The following ROBO2 variants were observed in gnomAD, a reference collection of about 807,000 sequenced individuals.
ROBO2 encodes roundabout homolog 2.
ROBO2 carries 53 observed loss-of-function variants against 160.8 expected under a neutral mutation model. The observed-to-expected ratio is 0.33, with a 90% CI of 0.26 to 0.41. The LOEUF (loss-of-function observed/expected upper bound fraction) is 0.41, where lower values mean the gene tolerates loss of function less well. ROBO2 is among the 10% of genes least tolerant of loss of function. The pLI, the probability that ROBO2 is intolerant of heterozygous loss-of-function variation, is 1.00. For missense variants in ROBO2, 1,577 were observed against 1,722.4 expected (o/e 0.92, Z 1.49); for synonymous variants, 664 against 611.7 (o/e 1.09, Z -1.26).
rs1025511620 is a variant in ROBO2, at chr3:77,390,046, G to A, written c.389-87368G>A. 2.0e-5 allele frequency among the ~76,000 whole-genome samples: 3 copies of A among 152,162 alleles called. No homozygotes were observed. The South Asian group carries it at 6.2e-4, about 32-fold the overall frequency. On this transcript the variant is annotated intron_variant, in intron 2 of 25. Transcript: ENST00000461745. ...GCAGCAACCTATGTCCAGAAGAGAG[G>A]AAACAGATTTTCCAAATATCAGTCT...
At chr3:76,161,849 A>G (rs1400841648) in intron 2 of ROBO2, among the ~76,000 whole-genome samples, 2 of 152,134 alleles carry the variant, frequency 1.3e-5, no homozygotes, top group Non-Finnish European at 1.5e-5. Context: ...ATTCTCATCC[A>G]TATCTCTTAC....
chr3:77,220,537 A>G (rs1307472747), intron 2 of ROBO2, among the ~76,000 whole-genome samples: 2 of 152,030 alleles, frequency 1.3e-5, no homozygotes, highest in African/African-American at 4.8e-5. Context: ...AATCTCTATT[A>G]TTTTAATATA....
intron 2 of ROBO2, among the ~76,000 whole-genome samples, chr3:76,796,013 C>A (rs867523488): frequency 3.4e-4 from 51 of 152,184 alleles, no homozygotes; most frequent in African/African-American, 1.2e-3. Flanking sequence ...TATCAATGAG[C>A]AACAAAGTTT....
chr3:77,170,161 C>T (rs2079497025), intron 2 of ROBO2, among the ~76,000 whole-genome samples: 1 of 152,118 alleles, frequency 6.6e-6, no homozygotes, highest in African/African-American at 2.4e-5. Flanking sequence ...TATTCATTCT[C>T]ATATGCTGCC....
intron 2 of ROBO2, among the ~76,000 whole-genome samples, chr3:77,455,247 A>G (rs962145914): frequency 6.6e-6 from 1 of 152,206 alleles, no homozygotes; most frequent in East Asian, 1.9e-4. Flanking sequence ...ATACTGAATC[A>G]TTGACGGAAA....
chr3:77,485,464 G>C (rs2085239600), intron 4 of ROBO2, among the ~76,000 whole-genome samples: 1 of 151,566 alleles, frequency 6.6e-6, no homozygotes, highest in Non-Finnish European at 1.5e-5. Context: ...CCAAATGTTT[G>C]GTGGTCTCTT....
chr3:76,108,669 A>G (rs1190380158), intron 2 of ROBO2, among the ~76,000 whole-genome samples: 2 of 151,834 alleles, frequency 1.3e-5, no homozygotes, highest in East Asian at 1.9e-4. Flanking sequence ...TGACATTACT[A>G]TATTCAAAAA....
chr3:76,446,378 A>G (rs1456691311), intron 2 of ROBO2, among the ~76,000 whole-genome samples: 1 of 152,218 alleles, frequency 6.6e-6, no homozygotes, highest in African/African-American at 2.4e-5. Flanking sequence ...TCACTGCTCA[A>G]CGAAATAGAA....
At chr3:76,092,341 T>A (rs1025947599) in intron 2 of ROBO2, among the ~76,000 whole-genome samples, 14 of 152,310 alleles carry the variant, frequency 9.2e-5, no homozygotes, top group African/African-American at 3.1e-4. Flanking sequence ...ACCCTAGAGG[T>A]GATCAAATAA....
chr3:76,128,864 T>G (rs2106651255), intron 2 of ROBO2, among the ~76,000 whole-genome samples: 1 of 152,222 alleles, frequency 6.6e-6, no homozygotes, highest in South Asian at 2.1e-4. Flanking sequence ...TATCCTTTTC[T>G]TCACAATAAA....
intron 2 of ROBO2, among the ~76,000 whole-genome samples, chr3:76,539,760 T>G (rs1410819863): frequency 6.6e-6 from 1 of 152,200 alleles, no homozygotes; most frequent in Non-Finnish European, 1.5e-5. Context: ...CTGAAAGCAT[T>G]AAAACTTAAC....
chr3:76,358,122 C>A (rs190907620), intron 2 of ROBO2, among the ~76,000 whole-genome samples: 21 of 151,922 alleles, frequency 1.4e-4, no homozygotes, highest in Non-Finnish European at 2.9e-4. Flanking sequence ...AGTCTAATAG[C>A]CCATCTTCCC....
chr3:77,221,861 T>C lies in ROBO2; in HGVS notation c.388+123521T>C, dbSNP rs1459772510. The stretch of plus-strand genomic sequence containing the variant: ...TCTTTTCTTTTTCTTTTTCTTTTTT[T>C]TTTTTTTTTTGAGACAGAGTCTTGC... On this transcript the variant is annotated intron_variant, in intron 2 of 25. Transcript: ENST00000461745. Among the ~76,000 whole-genome samples the C allele has an allele frequency of 1.8e-3, 271 of 149,340 alleles. 1 individual carries two copies. Among genetic ancestry groups the C allele is most frequent in the Non-Finnish European group, 3.3e-3 (224 of 67,288 alleles).
intron 2 of ROBO2, among the ~76,000 whole-genome samples, chr3:77,128,442 A>G (rs879704382): frequency 8.5e-5 from 13 of 152,296 alleles, no homozygotes; most frequent in Admixed American, 2.0e-4. Flanking sequence ...TTTCGAATGT[A>G]TCCCTCATGG....
chr3:76,776,288 T>C (rs2062251271), intron 2 of ROBO2, among the ~76,000 whole-genome samples: 1 of 151,020 alleles, frequency 6.6e-6, no homozygotes. Context: ...AACTGATTGA[T>C]TTTTAAAAAT....
chr3:76,773,938 T>C (rs2062071820), intron 2 of ROBO2, among the ~76,000 whole-genome samples: 1 of 150,920 alleles, frequency 6.6e-6, no homozygotes, highest in Admixed American at 6.6e-5. Flanking sequence ...TGAAATTTGC[T>C]CCACTGGATA....
At chr3:76,509,715 G>T (rs931337761) in intron 2 of ROBO2, among the ~76,000 whole-genome samples, 1 of 152,106 alleles carries the variant, frequency 6.6e-6, no homozygotes, top group African/African-American at 2.4e-5. Flanking sequence ...TTCCAGCAAA[G>T]CCCAGGTAAA....
Position 76,015,840 on chromosome 3 carries a change from A to G in ROBO2, c.109+78238A>G, listed in dbSNP as rs1045951706. ...ACAAGCCATTCTTAGTCAAAGTCAC[A>G]AGAATTCACTCTTAATAATCACAAA... is the stretch of plus-strand genomic sequence containing the variant. On this transcript the variant is annotated intron_variant, in intron 2 of 26. Coordinates refer to the ROBO2 transcript ENST00000487694. 5.3e-5 allele frequency among the ~76,000 whole-genome samples: 8 copies of G among 152,336 alleles called. No individual in the cohort carries two copies. In the East Asian group the frequency reaches 1.5e-3, roughly 29 times the overall value.
At chr3:76,671,189 A>T (rs2092249252) in intron 2 of ROBO2, among the ~76,000 whole-genome samples, 1 of 152,100 alleles carries the variant, frequency 6.6e-6, no homozygotes, top group Admixed American at 6.6e-5. Flanking sequence ...AAATTTACAT[A>T]TATTACTCTA....
Sources: allele counts gnomAD v4.1 joint callset (sites outside exome capture counted in the v4.1 genomes callset), GRCh38; gene constraint gnomAD v4.1.1; transcripts MANE v1.5; gene names NCBI Gene and HGNC (gene_info 2026-07-23, HGNC 2026-07-21).